Variants in FANCB observed in about 807,000 individuals in gnomAD.
FANCB encodes the protein FA complementation group B, also known as Fanconi anemia group B protein.
Under a neutral mutation model 38.9 loss-of-function variants are expected in FANCB, and 5 were observed. The ratio of observed to expected loss-of-function variants is 0.13; its 90% CI spans 0.07 to 0.27. The LOEUF (loss-of-function observed/expected upper bound fraction) is 0.27, where lower values mean the gene tolerates loss of function less well. Ranked by LOEUF, FANCB falls within the 10% of genes least tolerant of loss-of-function variation. The pLI is 1.00. For missense variants in FANCB, 573 were observed against 602.7 expected (o/e 0.95, Z 0.52); for synonymous variants, 236 against 215.4 (o/e 1.10, Z -0.84).
the FANCB span, among the ~76,000 whole-genome samples, chrX:14,732,084 T>G: frequency 9.2e-6 from 1 of 108,837 alleles, no homozygotes; most frequent in African/African-American, 3.4e-5. Context: ...CCTCCCTGAC[T>G]CCATGTGTTC....
At chrX:14,731,666 T>A in the FANCB span, 8 of 111,675 alleles carry the variant, frequency 7.2e-5, no homozygotes. Context: ...GCTACATGTT[T>A]TAAGTAAGAA....
chrX:14,741,399 G>A, the FANCB span, among the ~76,000 whole-genome samples: 6 of 111,408 alleles, frequency 5.4e-5, no homozygotes, highest in East Asian at 1.4e-3. Flanking sequence ...TTCTAAATGT[G>A]GGCTCTCTAA....
Position 14,845,172 on chromosome X carries a change from T to C in FANCB, c.1611A>G (p.Ala537=), listed in dbSNP as rs746962101. Residue 537 remains alanine, a synonymous_variant, in exon 8 of 10, where the codon GCA becomes GCG. Transcript: ENST00000650831. ...VIKLSTNPFP[A]PYLMPCEIGL... ...CTATTTCACATGGCATCAAGTATGG[T>C]GCTGGGAAAGGATTTGTACTCAACT... 8.3e-7 allele frequency: 1 copy of C among 1,210,757 alleles called. No individual in the cohort carries two copies. Among genetic ancestry groups the C allele is most frequent in the East Asian group, 3.0e-5 (1 of 33,814 alleles).
At chrX:14,868,272 T>G (rs188824849) in intron 2 of FANCB, among the ~76,000 whole-genome samples, 1 of 111,981 alleles carries the variant, frequency 8.9e-6, no homozygotes, top group Non-Finnish European at 1.9e-5. Flanking sequence ...TATTCAGCAC[T>G]ATTTACAATA....
the FANCB span, among the ~76,000 whole-genome samples, chrX:14,738,480 C>T: frequency 4.5e-5 from 5 of 111,937 alleles, no homozygotes; most frequent in South Asian, 1.1e-3. Flanking sequence ...AAATCCCCAA[C>T]GGATATTATT....
At chrX:14,852,170 CTT>C (rs35738771) in intron 6 of FANCB, among the ~76,000 whole-genome samples, 8 of 98,077 alleles carry the variant, frequency 8.2e-5, no homozygotes, top group Non-Finnish European at 6.3e-5. Context: ...CAAGGAGGTT[CTT>C]TTTTTTTTTT....
chrX:14,788,316 G>A, the FANCB span, among the ~76,000 whole-genome samples: 1 of 111,797 alleles, frequency 8.9e-6, no homozygotes, highest in South Asian at 3.8e-4. Flanking sequence ...GGAATCTAAA[G>A]GTTTAGAGGA....
chrX:14,743,513 C>T, the FANCB span, among the ~76,000 whole-genome samples: 3 of 110,287 alleles, frequency 2.7e-5, no homozygotes, highest in South Asian at 7.8e-4. Context: ...CTATATTACC[C>T]TCCCCTCTTC....
the FANCB span, among the ~76,000 whole-genome samples, chrX:14,693,350 C>T: frequency 2.7e-5 from 3 of 111,702 alleles, no homozygotes; most frequent in Admixed American, 9.5e-5. Flanking sequence ...ATAAAGTAGA[C>T]TTTAAGACCA....
chrX:14,744,089 G>A, the FANCB span, among the ~76,000 whole-genome samples: 3 of 111,806 alleles, frequency 2.7e-5, no homozygotes, highest in Admixed American at 1.9e-4. Context: ...GGCACCAACT[G>A]TGTCTAATAT....
At chrX:14,786,858 C>A in the FANCB span, among the ~76,000 whole-genome samples, 1 of 111,455 alleles carries the variant, frequency 9.0e-6, no homozygotes, top group Non-Finnish European at 1.9e-5. Context: ...TGACATAACA[C>A]CAGAAGAATC....
At chrX:14,859,520 A>C (rs189849873) in intron 3 of FANCB, among the ~76,000 whole-genome samples, 186 bp from the exon 4 acceptor site, 138 of 112,380 alleles carry the variant, frequency 1.2e-3, no homozygotes, top group African/African-American at 4.2e-3. Flanking sequence ...AAGAGTTATA[A>C]AAACTTTATA....
At chrX:14,799,537 G>A in the FANCB span, among the ~76,000 whole-genome samples, 1 of 112,117 alleles carries the variant, frequency 8.9e-6, no homozygotes, top group African/African-American at 3.3e-5. Flanking sequence ...AAATGTGGAA[G>A]TGGCTTTGGA....
the FANCB span, among the ~76,000 whole-genome samples, chrX:14,754,451 G>A: frequency 8.0e-5 from 9 of 112,256 alleles, no homozygotes; most frequent in Admixed American, 4.7e-4. Flanking sequence ...CTTTTAAGAT[G>A]AAAATCTATT....
chrX:14,699,113 C>G, the FANCB span, among the ~76,000 whole-genome samples: 1 of 112,262 alleles, frequency 8.9e-6, no homozygotes, highest in Non-Finnish European at 1.9e-5. Flanking sequence ...CAACCCCAGT[C>G]TATTAGAAGC....
chrX:14,863,114 A>T (rs1015547486), intron 3 of FANCB, among the ~76,000 whole-genome samples: 2 of 112,398 alleles, frequency 1.8e-5, no homozygotes, highest in African/African-American at 6.5e-5. Context: ...AATTCAAAAT[A>T]ATCCCTATTA....
the FANCB span, among the ~76,000 whole-genome samples, chrX:14,823,079 C>CTTTTTTTTTTTT: frequency 8.4e-5 from 6 of 71,121 alleles, no homozygotes; most frequent in East Asian, 5.3e-4. Context: ...TACCCTTTTA[C>CTTTTTTTTTTTT]TTTTTTTTTT....
At chrX:14,741,633 A>G in the FANCB span, among the ~76,000 whole-genome samples, 1 of 111,978 alleles carries the variant, frequency 8.9e-6, no homozygotes, top group African/African-American at 3.2e-5. Context: ...GCAGAGGCAG[A>G]GATTCCAGGA....
intron 3 of FANCB, among the ~76,000 whole-genome samples, chrX:14,861,752 C>T (rs762330422): frequency 1.8e-5 from 2 of 112,525 alleles, no homozygotes; most frequent in South Asian, 7.3e-4. Flanking sequence ...GGTAATTGTT[C>T]AAGTGTAGTT....
Sources: gnomAD v4.1 joint callset for allele counts (sites outside exome capture counted in the v4.1 genomes callset) on GRCh38, gnomAD v4.1.1 for gene constraint, MANE v1.5 for transcripts, NCBI Gene and HGNC (gene_info 2026-07-23, HGNC 2026-07-21) for gene names.